The following TMCC3 variants were observed in gnomAD, a reference collection of about 807,000 sequenced individuals.
TMCC3 encodes transmembrane and coiled-coil domain protein 3.
TMCC3 carries 28 observed loss-of-function variants against 40.2 expected under a neutral mutation model. The ratio of observed to expected loss-of-function variants is 0.70; its 90% CI spans 0.52 to 0.95. The LOEUF is 0.95. TMCC3 is among the 40% of genes least tolerant of loss of function. The pLI, the probability that TMCC3 is intolerant of heterozygous loss-of-function variation, is 0.00. For synonymous variants in TMCC3, 255 were observed against 248.5 expected (o/e 1.03, Z -0.25); for missense variants, 554 against 615.2 (o/e 0.90, Z 1.05).
chr12:94,589,674 GCTGT>G (rs1440236444), intron 1 of TMCC3, among the ~76,000 whole-genome samples: 19 of 152,308 alleles, frequency 1.2e-4, no homozygotes, highest in South Asian at 4.1e-4. Context: ...GGAAATTCTG[GCTGT>G]CTGTCTCCAG....
At chr12:94,601,985 T>C (rs570937176) in intron 1 of TMCC3, among the ~76,000 whole-genome samples, 30 of 152,276 alleles carry the variant, frequency 2.0e-4, no homozygotes, top group African/African-American at 6.7e-4. Context: ...TGCTTTTCCA[T>C]ATAAGAATAT....
intron 2 of TMCC3, among the ~76,000 whole-genome samples, chr12:94,580,498 G>T (rs2138823731): frequency 6.6e-6 from 1 of 152,264 alleles, no homozygotes; most frequent in African/African-American, 2.4e-5. Context: ...ACTTTGGGAG[G>T]ACAAGGCGGG....
chr12:94,596,493 AGAGGTT>A (rs1450405119), intron 1 of TMCC3, among the ~76,000 whole-genome samples: 1 of 152,182 alleles, frequency 6.6e-6, no homozygotes, highest in African/African-American at 2.4e-5. Context: ...TCTCTTCCAC[AGAGGTT>A]CTCCCACCCC....
intron 1 of TMCC3, among the ~76,000 whole-genome samples, chr12:94,629,550 C>G (rs2068921429): frequency 6.6e-6 from 1 of 152,214 alleles, no homozygotes; most frequent in South Asian, 2.1e-4. Flanking sequence ...GGAGGGCACT[C>G]TGGGGTAAAG....
chr12:94,639,746 G>A, intron 1 of TMCC3, among the ~76,000 whole-genome samples: 1 of 87,142 alleles, frequency 1.1e-5, no homozygotes, highest in African/African-American at 4.5e-5. Context: ...AGAAAAGGAA[G>A]CCAAAATCAA....
At chr12:94,642,668 C>T (rs2068996925) in intron 1 of TMCC3, among the ~76,000 whole-genome samples, 1 of 152,242 alleles carries the variant, frequency 6.6e-6, no homozygotes. Context: ...CACCCACGGT[C>T]TCTGCTCAAT....
At chr12:94,580,806 C>G (rs374619370) in intron 2 of TMCC3, among the ~76,000 whole-genome samples, 9 of 152,220 alleles carry the variant, frequency 5.9e-5, no homozygotes, top group Middle Eastern at 3.4e-3. Context: ...ATAAGATTAA[C>G]TTTGTTGGGT....
intron 1 of TMCC3, among the ~76,000 whole-genome samples, chr12:94,612,404 G>A (rs11107621): frequency 0.22 from 33,400 of 151,716 alleles, 3,931 homozygotes; most frequent in Non-Finnish European, 0.24. Context: ...TCCGCCTCCC[G>A]AGTCCAAGTG....
At chr12:94,602,312 A>AC in intron 1 of TMCC3, among the ~76,000 whole-genome samples, 1 of 152,322 alleles carries the variant, frequency 6.6e-6, no homozygotes, top group Middle Eastern at 3.4e-3. Flanking sequence ...CTCAGAACTT[A>AC]CCCTAAGACC....
At chr12:94,625,965 G>C (rs760407785) in intron 1 of TMCC3, among the ~76,000 whole-genome samples, 3 of 152,180 alleles carry the variant, frequency 2.0e-5, no homozygotes, top group Non-Finnish European at 2.9e-5. Context: ...CTGCTATAAA[G>C]ATACTACCCG....
chr12:94,572,306 C>CTT (rs527894810), intron 3 of TMCC3, among the ~76,000 whole-genome samples: 1,451 of 50,620 alleles, frequency 0.029, 185 homozygotes, highest in African/African-American at 0.1. Context: ...CCGACTTCAT[C>CTT]TTTTTTTTTT....
intron 1 of TMCC3, among the ~76,000 whole-genome samples, chr12:94,583,550 A>G (rs2068620271): frequency 6.6e-6 from 1 of 152,188 alleles, no homozygotes; most frequent in Admixed American, 6.5e-5. Context: ...AAGACCACAT[A>G]AAATAGTTTT....
At chr12:94,597,953 C>T (rs190536125) in intron 1 of TMCC3, among the ~76,000 whole-genome samples, 33 of 152,214 alleles carry the variant, frequency 2.2e-4, no homozygotes, top group Middle Eastern at 3.4e-3. Flanking sequence ...CCTCCAAAGT[C>T]CAAGAAGGCA....
intron 1 of TMCC3, among the ~76,000 whole-genome samples, chr12:94,616,592 G>A (rs185430716): frequency 4.1e-4 from 63 of 152,320 alleles, no homozygotes; most frequent in African/African-American, 1.4e-3. Context: ...CGTAGTGGCC[G>A]GGGGAGAGAC....
rs755740125 is a variant in TMCC3 at position 94,582,526 on chromosome 12, C to G, written c.91G>C (p.Asp31His). Residue 31 changes from aspartate (D) to histidine (H), a missense_variant, in exon 2 of 4, where the codon GAC becomes CAC. Physicochemically the swap from Asp to His is moderately conservative, Grantham distance 81 (BLOSUM62 -1). Transcript: ENST00000261226. ...AGGGGCAGGCTTAAGGTATTCATGT[C>G]ATGACGTTCTACCTGAAAGAGACAG... ...HRCKSRVERH[D>H]MNTLSLPLNI... 1 of 1,600,382 alleles carries G rather than the reference C, an allele frequency of 6.2e-7. No individual in the cohort carries two copies. The highest frequency in any genetic ancestry group is 8.5e-7 in the Non-Finnish European group (1 of 1,174,526).
At chr12:94,599,564 C>T (rs201664211) in intron 1 of TMCC3, among the ~76,000 whole-genome samples, 1 of 139,370 alleles carries the variant, frequency 7.2e-6, no homozygotes, top group Non-Finnish European at 1.6e-5. Flanking sequence ...ATACCCCCCC[C>T]CCCGCCCACA....
intron 1 of TMCC3, among the ~76,000 whole-genome samples, chr12:94,592,534 C>G (rs1183592555): frequency 6.7e-6 from 1 of 148,804 alleles, no homozygotes; most frequent in Non-Finnish European, 1.5e-5. Flanking sequence ...ATCCCAGCTA[C>G]TCAGGAGGCT....
intron 1 of TMCC3, among the ~76,000 whole-genome samples, chr12:94,625,659 G>A (rs201673789): frequency 6.7e-6 from 1 of 149,988 alleles, no homozygotes; most frequent in East Asian, 2.0e-4. Context: ...CACCGTGAAC[G>A]AAGGTGTCAC....
intron 1 of TMCC3, among the ~76,000 whole-genome samples, chr12:94,642,908 C>T (rs1254497259): frequency 1.3e-5 from 2 of 152,140 alleles, no homozygotes; most frequent in Non-Finnish European, 2.9e-5. Flanking sequence ...AGAAAGTCAA[C>T]CGGGCCGGGC....
Sources: allele counts gnomAD v4.1 joint callset (sites outside exome capture counted in the v4.1 genomes callset), GRCh38; gene constraint gnomAD v4.1.1; transcripts MANE v1.5; gene names NCBI Gene and HGNC (gene_info 2026-07-23, HGNC 2026-07-21).